The following PLEKHA4 variants were observed in gnomAD, a reference collection of about 807,000 sequenced individuals.
PLEKHA4 encodes pleckstrin homology domain containing A4.
PLEKHA4 carries 73 observed loss-of-function variants against 94.7 expected under a neutral mutation model. The observed-to-expected ratio is 0.77, with a 90% CI of 0.64 to 0.94. PLEKHA4 has a LOEUF of 0.94. PLEKHA4 is among the 40% of genes least tolerant of loss of function. The pLI, the probability that PLEKHA4 is intolerant of heterozygous loss-of-function variation, is 0.00. For missense variants in PLEKHA4, 1,049 were observed against 1,054.1 expected, an observed-to-expected ratio of 1.00 and a Z score of 0.07; for synonymous variants, 449 against 437.1, an observed-to-expected ratio of 1.03 and a Z score of -0.34.
In PLEKHA4 at chr19:48,867,957, A is replaced by G. The variant is rs1042389746; in HGVS notation, c.-7+126T>C. ...TTCCCTGCCTCCTTCCGGCTGCCCC[A>G]GGCTACCTGTCTCCCGCCCTCCCAC... On this transcript the variant is annotated intron_variant, in intron 1 of 19. Transcript: ENST00000263265. The surrounding 1 kb of genome is among the most constrained non-coding windows in gnomAD (Gnocchi z 4.7). 9 of 275,208 alleles carry G rather than the reference A, an allele frequency of 3.3e-5. No homozygotes were observed. In the East Asian group the frequency reaches 5.8e-4, roughly 18 times the overall value. 17.0% of individuals were successfully genotyped at this position (275,208 alleles called of 1,614,324 possible).
intron 16 of PLEKHA4, among the ~76,000 whole-genome samples, chr19:48,841,544 T>C (rs1284336703): frequency 1.3e-5 from 2 of 152,024 alleles, no homozygotes; most frequent in East Asian, 3.9e-4. Flanking sequence ...GGAGAATTGT[T>C]TGAACCCCAG....
In PLEKHA4 at chr19:48,837,283, G is replaced by A. The variant is rs745749916; in HGVS notation, c.*6C>T. On this transcript the variant is annotated 3_prime_UTR_variant, in exon 20 of 20. Coordinates refer to ENST00000263265, the MANE Select transcript of PLEKHA4 (RefSeq NM_020904.3). This position sits in a 1 kb window ranked among gnomAD's most constrained non-coding sequence, Gnocchi z 4.3. The stretch of plus-strand genomic sequence containing the variant: ...GCGCTCCGATTGGCTGCCGCTTTTG[G>A]GCGGATTAGAAGCTGGATTGTAGCA... The A allele has an allele frequency of 5.6e-6, 9 of 1,613,994 alleles. No homozygotes were observed. In the Admixed American group the frequency reaches 1.3e-4, roughly 24 times the overall value.
chr19:48,853,997 G>A lies in PLEKHA4; in HGVS notation c.1176+10C>T. ...GCCAGGCGCCCTGTCCTTGGCCCAGGGCCCCGCACCTTCTCCTCCTGCTTC... is the reference window on the plus strand; with the variant it reads ...GCCAGGCGCCCTGTCCTTGGCCCAGAGCCCCGCACCTTCTCCTCCTGCTTC... On this transcript the variant is annotated intron_variant, in intron 11 of 19. Transcript: ENST00000263265. 1 of 1,613,984 alleles carries A rather than the reference G, an allele frequency of 6.2e-7. No individual in the cohort carries two copies.
rs575035929 is a variant in PLEKHA4, at chr19:48,842,618, C to G, written c.1744-1308G>C. 1.5e-4 allele frequency among the ~76,000 whole-genome samples: 23 copies of G among 152,346 alleles called. 1 individual carries two copies. In the East Asian group the frequency reaches 4.4e-3, roughly 29 times the overall value. The stretch of plus-strand genomic sequence containing the variant: ...ACCCTGAAACTGTGCCCAACATCTG[C>G]TACCCATAGATAAGATGAGCCCCAA... On this transcript the variant is annotated intron_variant, in intron 16 of 19. Coordinates refer to ENST00000263265, the MANE Select transcript of PLEKHA4 (RefSeq NM_020904.3).
chr19:48,860,676 G>A (rs2036601224), intron 5 of PLEKHA4, among the ~76,000 whole-genome samples: 1 of 152,032 alleles, frequency 6.6e-6, no homozygotes, highest in Admixed American at 6.6e-5. Context: ...ACGTGGTGGA[G>A]CGCACCTGTA....
chr19:48,845,317 T>C (rs2035923086), intron 16 of PLEKHA4, 53 bp downstream of exon 16: 1 of 1,549,510 alleles, frequency 6.5e-7, no homozygotes, highest in Non-Finnish European at 8.9e-7. Flanking sequence ...CCCAGAAGTG[T>C]GGGGGTCCCT....
intron 2 of PLEKHA4, among the ~76,000 whole-genome samples, chr19:48,866,669 C>G (rs377400599): frequency 6.6e-6 from 1 of 152,144 alleles, no homozygotes; most frequent in East Asian, 1.9e-4. Flanking sequence ...TGTAGGGAAG[C>G]AATTTGGGGA....
At position 48,868,154 on chromosome 19, in the gene PLEKHA4, G is replaced by A. The variant is rs146435365; in HGVS notation, c.-78C>T. ...TGCTGCGGCACCTAGGCAGTCTCCC[G>A]CCTCCTTTGTCTCTTAGCTGCTGTC... On this transcript the variant is annotated 5_prime_UTR_variant, in exon 1 of 20. Transcript: ENST00000263265. The A allele has an allele frequency of 5.3e-3, 833 of 156,608 alleles. 9 individuals carry two copies. Among genetic ancestry groups the A allele is most frequent in the African/African-American group, 0.017 (692 of 41,618 alleles). The allele number at this position is 156,608 out of a possible 1,614,324, so 9.7% of individuals were successfully genotyped here.
Position 48,837,991 on chromosome 19 carries a change from G to C in PLEKHA4, c.2077+26C>G. ...CCAGCTCTCTCCTCCCTAAAACCCA[G>C]AAGTCCAACATCCCCAGCCAGTCAC... On this transcript the variant is annotated intron_variant, in intron 19 of 19. Transcript: ENST00000263265. This position sits in a 1 kb window ranked among gnomAD's most constrained non-coding sequence, Gnocchi z 4.3. The C allele has an allele frequency of 6.4e-7, 1 of 1,574,112 alleles. No individual in the cohort carries two copies. Among genetic ancestry groups the C allele is most frequent in the Non-Finnish European group, 8.7e-7 (1 of 1,145,288 alleles).
Position 48,837,330 on chromosome 19 carries a change from C to T in PLEKHA4, c.2299G>A (p.Ala767Thr). The T allele has an allele frequency of 6.2e-7, 1 of 1,613,948 alleles. No homozygotes were observed. Among genetic ancestry groups the T allele is most frequent in the Non-Finnish European group, 8.5e-7 (1 of 1,180,018 alleles). Residue 767 changes from alanine to threonine, a missense_variant, in exon 20 of 20, where the codon GCA becomes ACA. Ala to Thr is a moderately conservative substitution (Grantham distance 58). Transcript: ENST00000263265. The surrounding 1 kb of genome is among the most constrained non-coding windows in gnomAD (Gnocchi z 4.3). Reference protein sequence around the residue: ...APPVLPQDEGAWPLRVTLLQS... With the variant: ...APPVLPQDEGTWPLRVTLLQS... ...AGCAGAGTGACTCGCAGAGGCCATGCCCCCTCGTCTTGTGGCAGGACCGGA... is the reference window on the plus strand; with the variant it reads ...AGCAGAGTGACTCGCAGAGGCCATGTCCCCTCGTCTTGTGGCAGGACCGGA...
chr19:48,853,419 TA>T (rs750945002), intron 12 of PLEKHA4, among the ~76,000 whole-genome samples: 1 of 151,742 alleles, frequency 6.6e-6, no homozygotes, highest in Non-Finnish European at 1.5e-5. Flanking sequence ...TAATCCCAGT[TA>T]CTCAGGAGGC....
chr19:48,844,460 A>G (rs770317156), intron 16 of PLEKHA4: 1 of 985,144 alleles, frequency 1.0e-6, no homozygotes, highest in Non-Finnish European at 1.2e-6. Context: ...CAGCCCCAAG[A>G]AGTGCTTTTA....
At chr19:48,844,595 C>T (rs2035894729) in intron 16 of PLEKHA4, 2 of 985,190 alleles carry the variant, frequency 2.0e-6, no homozygotes, top group Non-Finnish European at 2.4e-6. Flanking sequence ...TGAGGGCTGG[C>T]CAATCAGTGA....
rs1291011320 is a variant in PLEKHA4 at position 48,850,276 on chromosome 19, C to A, written c.1425+1952G>T. ...ATCCCAGCACTTTGGGAGGCCGAGG[C>A]GGGTGGATCATGAGGTCAAGAGATC... On this transcript the variant is annotated intron_variant, in intron 13 of 19. Coordinates refer to ENST00000263265, the MANE Select transcript of PLEKHA4 (RefSeq NM_020904.3). Among the ~76,000 whole-genome samples the A allele has an allele frequency of 2.0e-5, 3 of 151,974 alleles. No homozygotes were observed. The South Asian group carries it at 6.2e-4, about 31-fold the overall frequency.
In PLEKHA4 at chr19:48,838,132, A is replaced by AT; in HGVS notation, c.1965-4_1965-3insA. The AT allele has an allele frequency of 6.3e-7, 1 of 1,580,652 alleles. No homozygotes were observed. The highest frequency in any genetic ancestry group is 8.7e-7 in the Non-Finnish European group (1 of 1,151,856). Reference sequence around the variant, plus strand: ...AGTAAGGGGTGGTGTTCCTTGGACTAGAAAAAAAAAGAAGATTGGGGGTGG... The same window carrying AT: ...AGTAAGGGGTGGTGTTCCTTGGACTATGAAAAAAAAAGAAGATTGGGGGTGG... On this transcript the variant is annotated splice_polypyrimidine_tract_variant and splice_region_variant and intron_variant, in intron 18 of 19. Transcript: ENST00000263265.
rs572904335 is a variant in PLEKHA4 at position 48,860,525 on chromosome 19, G to C, written c.367-66C>G. ...TGTAAAAAGGAGGACAGGCCGGACC[G>C]GTGACTCATTCCAGTAAACCCAGTG... is the stretch of plus-strand genomic sequence containing the variant. On this transcript the variant is annotated intron_variant, in intron 5 of 19. Transcript: ENST00000263265. 118 of 1,247,924 alleles carry C rather than the reference G, an allele frequency of 9.5e-5. 1 individual carries two copies. The South Asian group carries it at 1.2e-3, about 13-fold the overall frequency. The allele number at this position is 1,247,924 out of a possible 1,614,324, so 77.3% of individuals were successfully genotyped here.
rs2035601029 is a variant in PLEKHA4, at chr19:48,837,943, C to T, written c.2077+74G>A. The T allele has an allele frequency of 1.6e-6, 2 of 1,279,738 alleles. No homozygotes were observed. The highest frequency in any genetic ancestry group is 2.2e-6 in the Non-Finnish European group (2 of 889,990). 79.3% of individuals were successfully genotyped at this position (1,279,738 alleles called of 1,614,324 possible). ...TCACCGGCCCCCAGACCCCTCCTCTCCAGGACCTGGGATTCCAGGTCTCCA... is the reference window on the plus strand; with the variant it reads ...TCACCGGCCCCCAGACCCCTCCTCTTCAGGACCTGGGATTCCAGGTCTCCA... On this transcript the variant is annotated intron_variant, in intron 19 of 19. Coordinates refer to ENST00000263265, the MANE Select transcript of PLEKHA4 (RefSeq NM_020904.3). The surrounding 1 kb of genome is among the most constrained non-coding windows in gnomAD (Gnocchi z 4.3).
At chr19:48,853,494 GT>G (rs1456668767) in intron 12 of PLEKHA4, among the ~76,000 whole-genome samples, 187 bp downstream of exon 12, 3 of 124,708 alleles carry the variant, frequency 2.4e-5, no homozygotes, top group African/African-American at 4.2e-5. Flanking sequence ...GCAAGACTCT[GT>G]CCCCCCCAAA....
intron 3 of PLEKHA4, among the ~76,000 whole-genome samples, chr19:48,863,395 AG>A (rs2036715224): frequency 6.7e-6 from 1 of 149,172 alleles, no homozygotes; most frequent in African/African-American, 2.5e-5. Flanking sequence ...CTGGGACTAC[AG>A]GTGCCTGCCA....
Sources: gnomAD v4.1 joint callset for allele counts (sites outside exome capture counted in the v4.1 genomes callset) on GRCh38, gnomAD v4.1.1 for gene constraint, Gnocchi (gnomAD v3.1) non-coding constraint, MANE v1.5 for transcripts, NCBI Gene and HGNC (gene_info 2026-07-23, HGNC 2026-07-21) for gene names.